Variants in EYS observed in about 807,000 individuals in gnomAD.
EYS encodes protein eyes shut homolog.
EYS carries 250 observed loss-of-function variants against 282.1 expected under a neutral mutation model. That is an observed-to-expected ratio of 0.89 (90% CI 0.80 to 0.98). The LOEUF is 0.98. Among genes scored for constraint, EYS ranks in the 50% least tolerant of loss-of-function variants. The probability of loss-of-function intolerance (pLI) is 0.00; values close to 1 mark genes in which losing one functional copy is unlikely to be tolerated. For missense variants in EYS, 4,016 were observed against 3,709.0 expected (o/e 1.08, Z -2.15); for synonymous variants, 1,355 against 1,282.9 (o/e 1.06, Z -1.20).
At chr6:65,662,535 T>A (rs115281262) in intron 1 of EYS, among the ~76,000 whole-genome samples, 1 of 152,190 alleles carries the variant, frequency 6.6e-6, no homozygotes, top group Non-Finnish European at 1.5e-5. Flanking sequence ...CAATTAATAT[T>A]TGCTTTATTT....
At chr6:64,338,161 A>C (rs916886546) in intron 29 of EYS, among the ~76,000 whole-genome samples, 6 of 152,020 alleles carry the variant, frequency 3.9e-5, no homozygotes, top group Admixed American at 3.9e-4. Context: ...AATAAAGGGC[A>C]TCCAAATAGG....
chr6:64,021,021 G>A (rs1207854991), intron 33 of EYS, among the ~76,000 whole-genome samples: 1 of 151,970 alleles, frequency 6.6e-6, no homozygotes, highest in Non-Finnish European at 1.5e-5. Flanking sequence ...CACAAATGAG[G>A]AAACCTTATC....
At chr6:65,217,050 C>T (rs1399650751) in intron 12 of EYS, among the ~76,000 whole-genome samples, 3 of 151,990 alleles carry the variant, frequency 2.0e-5, no homozygotes, top group Non-Finnish European at 2.9e-5. Flanking sequence ...CTGCTTAATA[C>T]TTATGGTCCA....
intron 22 of EYS, among the ~76,000 whole-genome samples, chr6:64,685,303 TAA>T (rs5876915): frequency 7.9e-5 from 12 of 151,590 alleles, no homozygotes; most frequent in African/African-American, 2.2e-4. Flanking sequence ...ATACTTGATT[TAA>T]AAAAAATCTC....
intron 12 of EYS, among the ~76,000 whole-genome samples, chr6:65,219,701 C>T (rs547210758): frequency 1.3e-5 from 2 of 152,112 alleles, no homozygotes; most frequent in East Asian, 3.9e-4. Context: ...TAAAGACATG[C>T]AAGACTGGGT....
chr6:64,707,977 T>G (rs1038123710), intron 22 of EYS, among the ~76,000 whole-genome samples: 2 of 152,098 alleles, frequency 1.3e-5, no homozygotes, highest in African/African-American at 4.8e-5. Flanking sequence ...TGCATGGGTT[T>G]TAATGCATAA....
intron 22 of EYS, among the ~76,000 whole-genome samples, chr6:64,632,709 T>C (rs1430141376): frequency 6.6e-6 from 1 of 152,224 alleles, no homozygotes; most frequent in African/African-American, 2.4e-5. Flanking sequence ...ACTTCTATGT[T>C]TCTGGGAAAC....
At chr6:64,774,574 G>A (rs1773622328) in intron 22 of EYS, among the ~76,000 whole-genome samples, 1 of 151,962 alleles carries the variant, frequency 6.6e-6, no homozygotes, top group Non-Finnish European at 1.5e-5. Context: ...GCTTAAGTTA[G>A]TTAATAGCCA....
intron 33 of EYS, among the ~76,000 whole-genome samples, chr6:64,060,690 C>T (rs1261287335): frequency 6.6e-6 from 1 of 151,856 alleles, no homozygotes; most frequent in Non-Finnish European, 1.5e-5. Context: ...AGGTTTTATC[C>T]CATAGACATG....
At chr6:63,812,325 C>G (rs1433389662) in intron 36 of EYS, among the ~76,000 whole-genome samples, 2 of 151,958 alleles carry the variant, frequency 1.3e-5, no homozygotes, top group Admixed American at 6.6e-5. Flanking sequence ...ATGGCCTGCT[C>G]CCTCACTTCC....
chr6:64,780,426 A>G (rs2149993027), intron 22 of EYS, among the ~76,000 whole-genome samples: 1 of 152,290 alleles, frequency 6.6e-6, no homozygotes, highest in Admixed American at 6.5e-5. Flanking sequence ...AGAAAATCAA[A>G]TACTACACGT....
intron 33 of EYS, among the ~76,000 whole-genome samples, chr6:64,025,338 A>T (rs1769441746): frequency 1.3e-5 from 2 of 152,130 alleles, no homozygotes; most frequent in Non-Finnish European, 2.9e-5. Flanking sequence ...AGGTCCCAAC[A>T]ACAAGTTGGT....
intron 1 of EYS, among the ~76,000 whole-genome samples, chr6:65,679,645 A>G (rs1209978606): frequency 6.6e-6 from 1 of 151,970 alleles, no homozygotes; most frequent in Non-Finnish European, 1.5e-5. Context: ...AGTTAACAAC[A>G]CTGTACTGTA....
At chr6:64,569,459 G>C (rs760192890) in intron 26 of EYS, among the ~76,000 whole-genome samples, 5 of 151,846 alleles carry the variant, frequency 3.3e-5, no homozygotes, top group Non-Finnish European at 5.9e-5. Context: ...GAATGAAAAG[G>C]AGCCGGGCGT....
chr6:65,634,337 TA>T (rs1329183303), intron 2 of EYS, among the ~76,000 whole-genome samples: 2 of 152,114 alleles, frequency 1.3e-5, no homozygotes, highest in Admixed American at 6.5e-5. Flanking sequence ...GATTATAATT[TA>T]AAAAAATTAT....
intron 5 of EYS, among the ~76,000 whole-genome samples, chr6:65,482,189 A>G (rs1291570151): frequency 6.6e-6 from 1 of 152,190 alleles, no homozygotes; most frequent in Non-Finnish European, 1.5e-5. Context: ...ACAATGTAAA[A>G]CTAATAGCAA....
chr6:63,774,912 A>AG (rs1770027466), intron 40 of EYS, among the ~76,000 whole-genome samples: 1 of 151,472 alleles, frequency 6.6e-6, no homozygotes, highest in Non-Finnish European at 1.5e-5. Context: ...AAAAAAAAAA[A>AG]AAGACACCTA....
chr6:64,161,927 A>AT (rs1359909717), intron 31 of EYS, among the ~76,000 whole-genome samples: 7 of 151,914 alleles, frequency 4.6e-5, no homozygotes, highest in Non-Finnish European at 2.9e-5. Context: ...TCTCTTTTAT[A>AT]TTTTTTCTGT....
At chr6:65,434,562 G>C (rs761997988) in intron 5 of EYS, among the ~76,000 whole-genome samples, 20 of 152,004 alleles carry the variant, frequency 1.3e-4, no homozygotes, top group Non-Finnish European at 2.1e-4. Context: ...CCTTGTGATC[G>C]GCCCGCCTTG....
Sources: gnomAD v4.1 joint callset for allele counts (sites outside exome capture counted in the v4.1 genomes callset) on GRCh38, gnomAD v4.1.1 for gene constraint, MANE v1.5 for transcripts, NCBI Gene and HGNC (gene_info 2026-07-23, HGNC 2026-07-21) for gene names.